CRBN: variants seen among roughly 807,000 people sequenced by gnomAD.
CRBN encodes protein cereblon.
A neutral mutation model predicts 62.2 loss-of-function variants in CRBN; 53 were observed. The observed-to-expected ratio is 0.85, with a 90% CI of 0.68 to 1.07. CRBN has a LOEUF of 1.07. CRBN is among the 50% of genes least tolerant of loss of function. The pLI, the probability that CRBN is intolerant of heterozygous loss-of-function variation, is 0.00. For missense variants in CRBN, 616 were observed against 531.1 expected (o/e 1.16, Z -1.57); for synonymous variants, 208 against 176.1 (o/e 1.18, Z -1.43).
chr3:3,153,296 C>A (rs1235619083), intron 9 of CRBN, 128 bp downstream of exon 9: 2 of 640,718 alleles, frequency 3.1e-6, no homozygotes, highest in Non-Finnish European at 5.7e-6. Context: ...TGAGCTAATT[C>A]CCTATATTTC....
Position 3,152,660 on chromosome 3 carries a change from T to C in CRBN, c.1017-73A>G, listed in dbSNP as rs962455457. ...ATTTTATTAAATGCTTAGAATTTTA[T>C]TGAAGTTCACCAAGAAATGAGGTAT... On this transcript the variant is annotated intron_variant, in intron 9 of 10. Transcript: ENST00000231948. 11 of 1,569,718 alleles carry C rather than the reference T, an allele frequency of 7.0e-6. No homozygotes were observed. The African/African-American group carries it at 8.2e-5, about 12-fold the overall frequency.
chr3:3,160,475 T>C (rs144898812), intron 5 of CRBN, among the ~76,000 whole-genome samples: 1,692 of 152,348 alleles, frequency 0.011, 30 homozygotes, highest in Middle Eastern at 0.027. Context: ...TCTTTCCTAC[T>C]CCTGAGGCTT....
rs912985168 is a variant in CRBN, at chr3:3,162,200, T to C, written c.687+5434A>G. On this transcript the variant is annotated intron_variant, in intron 5 of 10. Coordinates refer to ENST00000231948, the MANE Select transcript of CRBN (RefSeq NM_016302.4). The stretch of plus-strand genomic sequence containing the variant: ...TATCTTTACATTTCATACTCAACTC[T>C]TTTCTGATTAACATAGTAAGCCTTG... 5.3e-5 allele frequency among the ~76,000 whole-genome samples: 8 copies of C among 152,326 alleles called. 2 individuals carry two copies. In the South Asian group the frequency reaches 1.4e-3, roughly 28 times the overall value.
At chr3:3,169,313 T>C (rs1175959632) in intron 4 of CRBN, among the ~76,000 whole-genome samples, 1 of 152,218 alleles carries the variant, frequency 6.6e-6, no homozygotes, top group Non-Finnish European at 1.5e-5. Context: ...GCTAGTTTTT[T>C]TTCTTTCCAA....
chr3:3,153,778 A>G, intron 8 of CRBN, 182 bp downstream of exon 8: 2 of 637,196 alleles, frequency 3.1e-6, no homozygotes, highest in Non-Finnish European at 5.7e-6. Context: ...CACTAAGTTG[A>G]TAAATGTATT....
intron 5 of CRBN, 147 bp from the exon 6 acceptor site, chr3:3,156,428 G>C (rs1281733680): frequency 3.0e-6 from 2 of 666,912 alleles, no homozygotes; most frequent in East Asian, 2.7e-5. Flanking sequence ...CCCATGACGT[G>C]ACTATCTATG....
Position 3,170,236 on chromosome 3 carries a change from C to A in CRBN, c.528-2443G>T, listed in dbSNP as rs181476343. Reference sequence around the variant, plus strand: ...CCTTAAATGATTCACATACCTTGGCCTTCCAGAGGGCTGAAATTACAGGTA... The same window carrying A: ...CCTTAAATGATTCACATACCTTGGCATTCCAGAGGGCTGAAATTACAGGTA... On this transcript the variant is annotated intron_variant, in intron 4 of 10. Transcript: ENST00000231948. Among the ~76,000 whole-genome samples the A allele has an allele frequency of 1.2e-4, 18 of 152,306 alleles. No individual in the cohort carries two copies. The East Asian group carries it at 3.1e-3, about 26-fold the overall frequency.
rs769962148 is a variant in CRBN at position 3,174,156 on chromosome 3, C to G, written c.280G>C (p.Gly94Arg). Reference protein sequence around the residue: ...LPQVMMILIPGQTLPLQLFHP... With the variant: ...LPQVMMILIPRQTLPLQLFHP... ...AAAAGCTGAAGAGGTAATGTCTGTCCGGGAATCAGGATCATCATCACTTGT... is the reference window on the plus strand; with the variant it reads ...AAAAGCTGAAGAGGTAATGTCTGTCGGGGAATCAGGATCATCATCACTTGT... The change falls in exon 3 of 11, where the codon GGA becomes CGA. Residue 94 changes from glycine to arginine, a missense_variant. By Grantham distance (125) the Gly-to-Arg change is moderately radical. Coordinates refer to ENST00000231948, the MANE Select transcript of CRBN (RefSeq NM_016302.4). 1 of 1,614,052 alleles carries G rather than the reference C, an allele frequency of 6.2e-7. No homozygotes were observed. The highest frequency in any genetic ancestry group is 1.7e-5 in the Admixed American group (1 of 60,018).
intron 6 of CRBN, chr3:3,155,461 C>A (rs114321540): frequency 3.2e-4 from 49 of 153,242 alleles, no homozygotes; most frequent in African/African-American, 1.2e-3. Flanking sequence ...CCATTATATC[C>A]ATTTCATAGG....
chr3:3,159,956 G>A (rs1169463491), intron 5 of CRBN, among the ~76,000 whole-genome samples: 1 of 152,132 alleles, frequency 6.6e-6, no homozygotes, highest in Non-Finnish European at 1.5e-5. Context: ...GTCATAAAAT[G>A]GTTATACCTC....
intron 4 of CRBN, among the ~76,000 whole-genome samples, chr3:3,169,877 C>A (rs1707527387): frequency 7.9e-6 from 1 of 126,388 alleles, no homozygotes; most frequent in Non-Finnish European, 1.7e-5. Flanking sequence ...AGTCCTATGT[C>A]AGTGAGACCT....
chr3:3,172,846 C>A lies in CRBN; in HGVS notation c.457G>T (p.Glu153Ter). 1 of 1,613,838 alleles carries A rather than the reference C, an allele frequency of 6.2e-7. No individual in the cohort carries two copies. ...AYREEQDFGI[E>*]IVKVKAIGRQ... The stretch of plus-strand genomic sequence containing the variant: ...CCAATTGCTTTCACTTTCACTATCT[C>A]AATTCCAAAATCCTGTTCTTCTCGA... Residue 153 changes from glutamate to a stop codon, truncating the protein, a stop_gained, in exon 4 of 11, where the codon GAG becomes TAG. Transcript: ENST00000231948. LOFTEE classifies it high-confidence loss of function.
chr3:3,155,532 G>T (rs1706849295), intron 6 of CRBN: 1 of 153,002 alleles, frequency 6.5e-6, no homozygotes, highest in African/African-American at 2.4e-5. Context: ...AGACTCTGAA[G>T]TCAGTCTCTG....
chr3:3,161,430 CAAT>C (rs201727422), intron 5 of CRBN, among the ~76,000 whole-genome samples: 2,922 of 152,286 alleles, frequency 0.019, 88 homozygotes, highest in African/African-American at 0.066. Context: ...CATGATGAAA[CAAT>C]AAAAATAAGT....
rs1227054590 is a variant in CRBN, at chr3:3,156,146, C to G, written c.750+73G>C. On this transcript the variant is annotated intron_variant, in intron 6 of 10. Transcript: ENST00000231948. ...GCACTAGAAACTGGAAAAACTAAAC[C>G]TTTGTTTTTTAATGACCCTTAATTA... 2.3e-6 allele frequency: 3 copies of G among 1,294,898 alleles called. No homozygotes were observed. In the African/African-American group the frequency reaches 4.4e-5, roughly 19 times the overall value. The allele number at this position is 1,294,898 out of a possible 1,614,324, so 80.2% of individuals were successfully genotyped here.
intron 3 of CRBN, chr3:3,173,748 T>C: frequency 2.7e-6 from 1 of 366,212 alleles, no homozygotes; most frequent in East Asian, 5.6e-5. Flanking sequence ...ACTACTTCTC[T>C]ATAATGAAGA....
chr3:3,166,772 C>T (rs377012353), intron 5 of CRBN, among the ~76,000 whole-genome samples: 10 of 151,982 alleles, frequency 6.6e-5, no homozygotes, highest in East Asian at 5.8e-4. Flanking sequence ...AATAAAAATT[C>T]GGTACAGTGA....
intron 10 of CRBN, 37 bp downstream of exon 10, chr3:3,152,415 TAAAA>T (rs753190367): frequency 1.3e-6 from 2 of 1,582,296 alleles, no homozygotes; most frequent in Non-Finnish European, 1.7e-6. Context: ...CCAATTAAGG[TAAAA>T]AAAGAAAAAA....
At position 3,154,029 on chromosome 3, in the gene CRBN, C is replaced by G. The variant is rs779833529; in HGVS notation, c.882G>C (p.Leu294Phe). The G allele has an allele frequency of 4.3e-6, 7 of 1,613,654 alleles. No homozygotes were observed. Among genetic ancestry groups the G allele is most frequent in the Non-Finnish European group, 5.9e-6 (7 of 1,179,608 alleles). Reference sequence around the variant, plus strand: ...TGCCAATTTTAAGGAGCTGAATTCTCAATACATCATCAATAGGAAGACAAG... The same window carrying G: ...TGCCAATTTTAAGGAGCTGAATTCTGAATACATCATCAATAGGAAGACAAG... ...VAACLPIDDV[L>F]RIQLLKIGSA... Residue 294 changes from leucine to phenylalanine, a missense_variant, in exon 8 of 11, where the codon TTG (leucine) becomes TTC (phenylalanine). Transcript: ENST00000231948.
Sources: allele counts gnomAD v4.1 joint callset (sites outside exome capture counted in the v4.1 genomes callset), GRCh38; gene constraint gnomAD v4.1.1; transcripts MANE v1.5; gene names NCBI Gene and HGNC (gene_info 2026-07-23, HGNC 2026-07-21).